The following PLA2G4B variants were observed in gnomAD, a reference collection of about 807,000 sequenced individuals.
The protein encoded by PLA2G4B is cytosolic phospholipase A2 beta.
PLA2G4B carries 122 observed loss-of-function variants against 95.8 expected under a neutral mutation model. That is an observed-to-expected ratio of 1.27 (90% CI 1.10 to 1.48). PLA2G4B has a LOEUF of 1.48. Ranked by LOEUF, PLA2G4B falls within the 40% of genes most tolerant of loss-of-function variation. The pLI, the probability that PLA2G4B is intolerant of heterozygous loss-of-function variation, is 0.00. For missense variants in PLA2G4B, 1,158 were observed against 996.2 expected, an observed-to-expected ratio of 1.16 and a Z score of -2.19; for synonymous variants, 518 against 421.5, an observed-to-expected ratio of 1.23 and a Z score of -2.80.
chr15:41,842,464 C>A, intron 9 of PLA2G4B, 90 bp from the exon 10 acceptor site: 1 of 1,545,836 alleles, frequency 6.5e-7, no homozygotes, highest in Admixed American at 2.0e-5. Flanking sequence ...GGTGGCGGGG[C>A]GGGGGTGGTG....
At chr15:41,845,524 C>G in intron 14 of PLA2G4B, 114 bp from the exon 15 acceptor site, 1 of 1,515,546 alleles carries the variant, frequency 6.6e-7, no homozygotes, top group Non-Finnish European at 8.8e-7. Flanking sequence ...GCCCAGGCCA[C>G]AAGGCCTGGG....
At chr15:41,847,023 G>T (rs574116504) in intron 18 of PLA2G4B, among the ~76,000 whole-genome samples, 188 bp downstream of exon 18, 62 of 152,252 alleles carry the variant, frequency 4.1e-4, no homozygotes, top group Non-Finnish European at 8.2e-4. Context: ...GGTTCTCCTG[G>T]TATCTTGTAG....
In PLA2G4B at chr15:41,838,882, C is replaced by T. The variant is rs1037813458; in HGVS notation, c.-32C>T. The stretch of plus-strand genomic sequence containing the variant: ...CAGTCCTTGATCCTGTGGCCACTGC[C>T]CCATCATTCCTGCTCCTGAGGACTC... On this transcript the variant is annotated 5_prime_UTR_variant, in exon 1 of 20. Transcript: ENST00000458483. 3.1e-6 allele frequency: 5 copies of T among 1,589,162 alleles called. No homozygotes were observed. The highest frequency in any genetic ancestry group is 1.8e-5 in the Admixed American group (1 of 56,994).
chr15:41,844,970 A>T lies in PLA2G4B; in HGVS notation c.1139A>T (p.Gln380Leu). 4 of 1,611,454 alleles carry T rather than the reference A, an allele frequency of 2.5e-6. No homozygotes were observed. The highest frequency in any genetic ancestry group is 3.4e-6 in the Non-Finnish European group (4 of 1,179,034). ...GGTGTGCTGGCCCCCAGCCAGCTGC[A>T]GCGGTACCGGCAGGAGCTGGCCGAG... ...KLGVLAPSQL[Q>L]RYRQELAERA... The change falls in exon 13 of 20, where the codon CAG becomes CTG. Residue 380 changes from glutamine (Q) to leucine (L), a missense_variant. By Grantham distance (113) the Gln-to-Leu change is moderately radical. Coordinates refer to ENST00000458483, the MANE Select transcript of PLA2G4B (RefSeq NM_001114633.2).
intron 2 of PLA2G4B, 114 bp from the exon 3 acceptor site, chr15:41,840,410 C>G (rs2065405132): frequency 1.3e-6 from 2 of 1,591,544 alleles, no homozygotes; most frequent in South Asian, 1.1e-5. Context: ...CTGGCCCCCA[C>G]TTCCCCTCCC....
intron 11 of PLA2G4B, 71 bp downstream of exon 11, chr15:41,843,882 G>T: frequency 1.3e-6 from 2 of 1,571,392 alleles, no homozygotes; most frequent in Non-Finnish European, 1.7e-6. Context: ...GAACACTGGA[G>T]CTGCTTGTCC....
At position 41,844,873 on chromosome 15, in the gene PLA2G4B, C is replaced by T; in HGVS notation, c.1042C>T (p.Pro348Ser). 1 of 1,609,466 alleles carries T rather than the reference C, an allele frequency of 6.2e-7. No homozygotes were observed. The highest frequency in any genetic ancestry group is 8.5e-7 in the Non-Finnish European group (1 of 1,178,276). Reference sequence around the variant, plus strand: ...GGCCTTGGCCAACCTTTATGAGGACCCAGAGTGGTCTCAGAAGGACCTGGC... The same window carrying T: ...GGCCTTGGCCAACCTTTATGAGGACTCAGAGTGGTCTCAGAAGGACCTGGC... ...TWALANLYED[P>S]EWSQKDLAGP... Residue 348 changes from proline to serine, a missense_variant, in exon 13 of 20, where the codon CCA (proline) becomes TCA (serine). Transcript: ENST00000458483.
intron 14 of PLA2G4B, 55 bp from the exon 15 acceptor site, chr15:41,845,583 G>GGT: frequency 6.2e-7 from 1 of 1,607,820 alleles, no homozygotes; most frequent in Non-Finnish European, 8.5e-7. Flanking sequence ...TCGGGGTGGG[G>GGT]GTGTGGGTGC....
At chr15:41,845,383 A>C (rs1648827) in intron 14 of PLA2G4B, 63 bp downstream of exon 14, 1,249,259 of 1,570,578 alleles carry the variant, frequency 0.8, 499,472 homozygotes, top group East Asian at 0.88. Flanking sequence ...GAGAACGAGG[A>C]CTGTGTGCAG....
At position 41,847,347 on chromosome 15, in the gene PLA2G4B, T is replaced by C. The variant is rs1213448588; in HGVS notation, c.1958T>C (p.Leu653Pro). The C allele has an allele frequency of 1.9e-6, 3 of 1,603,268 alleles. No homozygotes were observed. The highest frequency in any genetic ancestry group is 2.2e-5 in the East Asian group (1 of 44,680). Residue 653 changes from leucine (L) to proline (P), a missense_variant, in exon 19 of 20, where the codon CTC becomes CCC. By Grantham distance (98) the Leu-to-Pro change is moderately conservative (BLOSUM62 -3). Transcript: ENST00000458483. ...CTGCCTGCCCTGCAGCAGTTGCAGC[T>C]CCTGGGCCGGTTCTGCCAGGAGCAG... is the stretch of plus-strand genomic sequence containing the variant. ...NLHGAFQQLQLLGRFCQEQGI... is the reference protein window; with the variant it reads ...NLHGAFQQLQPLGRFCQEQGI...
At chr15:41,842,416 C>T in intron 9 of PLA2G4B, 138 bp from the exon 10 acceptor site, 1 of 1,546,890 alleles carries the variant, frequency 6.5e-7, no homozygotes, top group Non-Finnish European at 8.7e-7. Context: ...GGAGTGTCCT[C>T]TGAGCATCCC....
Position 41,847,816 on chromosome 15 carries a change from CTGCGCCAGGCAGTGCAGCGGA to C in PLA2G4B, c.2303_2323del (p.Leu768_Arg774del). ...CAACCAGGAGCAGCTGCTGGAGGCT[CTGCGCCAGGCAGTGCAGCGGA>C]GGCGGCAGCGCAGGCCCCACTGATG... is the stretch of plus-strand genomic sequence containing the variant. On this transcript the variant is annotated inframe_deletion, in exon 20 of 20. Coordinates refer to ENST00000458483, the MANE Select transcript of PLA2G4B (RefSeq NM_001114633.2). The C allele has an allele frequency of 6.2e-7, 1 of 1,613,270 alleles. No homozygotes were observed. Among genetic ancestry groups the C allele is most frequent in the South Asian group, 1.1e-5 (1 of 91,086 alleles).
In PLA2G4B at chr15:41,842,095, C is replaced by G. The variant is rs1272180919; in HGVS notation, c.622-98C>G. The G allele has an allele frequency of 1.9e-6, 3 of 1,580,292 alleles. No individual in the cohort carries two copies. In the African/African-American group the frequency reaches 4.0e-5, roughly 21 times the overall value. On this transcript the variant is annotated intron_variant, in intron 8 of 19. Transcript: ENST00000458483. ...CCATGCTGGCCTCCCCTTCCCGTCC[C>G]TCCCATAACTCTATGGCTGCCGGCG...
In PLA2G4B at chr15:41,847,441, C is replaced by G. The variant is rs988830156; in HGVS notation, c.2052C>G (p.Phe684Leu). 1.2e-6 allele frequency: 2 copies of G among 1,613,536 alleles called. No homozygotes were observed. The highest frequency in any genetic ancestry group is 4.5e-5 in the East Asian group (2 of 44,882). The change falls in exon 19 of 20, where the codon TTC becomes TTG. Residue 684 changes from phenylalanine (F) to leucine (L), a missense_variant. By Grantham distance (22) the Phe-to-Leu change is conservative. Coordinates refer to ENST00000458483, the MANE Select transcript of PLA2G4B (RefSeq NM_001114633.2). Reference protein sequence around the residue: ...EQLQPRECHTFSDPTCPGAPA... With the variant: ...EQLQPRECHTLSDPTCPGAPA... ...TCCAGCCTCGGGAGTGCCACACCTTCTCCGACCCCACCTGCCCCGGAGCCC... is the reference window on the plus strand; with the variant it reads ...TCCAGCCTCGGGAGTGCCACACCTTGTCCGACCCCACCTGCCCCGGAGCCC...
chr15:41,846,737 G>C lies in PLA2G4B; in HGVS notation c.1849G>C (p.Gly617Arg). Residue 617 changes from glycine (G) to arginine (R), a missense_variant, in exon 18 of 20, where the codon GGC becomes CGC. Coordinates refer to ENST00000458483, the MANE Select transcript of PLA2G4B (RefSeq NM_001114633.2). ...GCCCCACCTGTGCCTGCTGGATGTTGGCTACCTCATCAATACCAGCTGCCT... is the reference window on the plus strand; with the variant it reads ...GCCCCACCTGTGCCTGCTGGATGTTCGCTACCTCATCAATACCAGCTGCCT... ...SEPHLCLLDV[G>R]YLINTSCLPL... 6.2e-7 allele frequency: 1 copy of C among 1,613,968 alleles called. No individual in the cohort carries two copies. The highest frequency in any genetic ancestry group is 8.5e-7 in the Non-Finnish European group (1 of 1,179,946).
intron 17 of PLA2G4B, 129 bp downstream of exon 17, chr15:41,846,511 C>CT: frequency 6.7e-7 from 1 of 1,502,064 alleles, no homozygotes; most frequent in Non-Finnish European, 8.9e-7. Context: ...GAACAGGGGT[C>CT]TTTTTCTCCT....
chr15:41,845,895 A>G, intron 15 of PLA2G4B, 48 bp from the exon 16 acceptor site: 1 of 1,516,806 alleles, frequency 6.6e-7, no homozygotes, highest in South Asian at 1.3e-5. Context: ...GAAGGGTAGG[A>G]TTGGGACAAG....
intron 10 of PLA2G4B, 84 bp downstream of exon 10, chr15:41,842,675 GA>G: frequency 6.8e-7 from 1 of 1,477,546 alleles, no homozygotes; most frequent in Non-Finnish European, 9.2e-7. Flanking sequence ...GAGTGAGGGG[GA>G]GAAACAGCCG....
rs1248764241 is a variant in PLA2G4B, at chr15:41,847,755, C to T, written c.2241C>T (p.Asp747=). The change falls in exon 20 of 20, where the codon GAC becomes GAT. Residue 747 remains aspartate, a synonymous_variant. Coordinates refer to ENST00000458483, the MANE Select transcript of PLA2G4B (RefSeq NM_001114633.2). ...TGACCTACAGCCAGGAGGACGTGGA[C>T]AAGCTGCTGCACCTGACACATTACA... is the stretch of plus-strand genomic sequence containing the variant. ...TKVTYSQEDV[D]KLLHLTHYNV... 1 of 1,610,114 alleles carries T rather than the reference C, an allele frequency of 6.2e-7. No homozygotes were observed. The highest frequency in any genetic ancestry group is 1.1e-5 in the South Asian group (1 of 91,086).
Sources: gnomAD v4.1 joint callset for allele counts (sites outside exome capture counted in the v4.1 genomes callset) on GRCh38, gnomAD v4.1.1 for gene constraint, MANE v1.5 for transcripts, NCBI Gene and HGNC (gene_info 2026-07-23, HGNC 2026-07-21) for gene names.